The following STIM1 variants were observed in gnomAD, a reference collection of about 807,000 sequenced individuals.
The protein encoded by STIM1 is stromal interaction molecule 1.
In STIM1, 25 loss-of-function variants were observed where a neutral mutation model predicts 74.7. That is an observed-to-expected ratio of 0.33 (90% CI 0.24 to 0.47). The LOEUF is 0.47. STIM1 is among the 20% of genes least tolerant of loss of function. The probability of loss-of-function intolerance (pLI) is 1.00; values close to 1 mark genes in which losing one functional copy is unlikely to be tolerated. For missense variants in STIM1, 728 were observed against 920.8 expected (o/e 0.79, Z 2.71); for synonymous variants, 328 against 348.8 (o/e 0.94, Z 0.66).
chr11:3,886,976 CT>C (rs2091734467), intron 1 of STIM1, among the ~76,000 whole-genome samples: 1 of 151,592 alleles, frequency 6.6e-6, no homozygotes, highest in Non-Finnish European at 1.5e-5. Flanking sequence ...GCACTCCAGC[CT>C]GGCGACAGAG....
intron 6 of STIM1, among the ~76,000 whole-genome samples, chr11:4,071,623 A>C (rs918597487): frequency 2.6e-5 from 4 of 152,226 alleles, no homozygotes; most frequent in Non-Finnish European, 5.9e-5. Flanking sequence ...TACAGGCCTG[A>C]GCCACTGTGC....
intron 10 of STIM1, among the ~76,000 whole-genome samples, chr11:4,084,200 A>G (rs1042953211): frequency 1.1e-4 from 17 of 152,296 alleles, no homozygotes; most frequent in East Asian, 7.7e-4. Flanking sequence ...CTGGCCCACA[A>G]TTGAATTTTT....
chr11:3,934,959 T>TG (rs2092915031), intron 1 of STIM1, among the ~76,000 whole-genome samples: 1 of 152,222 alleles, frequency 6.6e-6, no homozygotes, highest in South Asian at 2.1e-4. Context: ...TTTGGCCCTG[T>TG]GGGGCAGTGC....
chr11:3,892,604 G>C (rs576633831), intron 1 of STIM1: 13 of 1,602,598 alleles, frequency 8.1e-6, no homozygotes, highest in Non-Finnish European at 1.1e-5. Context: ...CAAGATGCCA[G>C]GACCTGTATG....
intron 2 of STIM1, among the ~76,000 whole-genome samples, chr11:3,982,062 T>A (rs2093510795): frequency 6.6e-6 from 1 of 152,302 alleles, no homozygotes; most frequent in South Asian, 2.1e-4. Flanking sequence ...AGTCTTGCTC[T>A]GTCACCCAGC....
chr11:4,063,991 T>G (rs927311094), intron 5 of STIM1, among the ~76,000 whole-genome samples: 2 of 152,180 alleles, frequency 1.3e-5, no homozygotes, highest in African/African-American at 4.8e-5. Context: ...CTTGCCTTAT[T>G]AAGTGAGCTT....
chr11:3,874,259 C>T (rs930830676), intron 1 of STIM1, among the ~76,000 whole-genome samples: 1 of 152,164 alleles, frequency 6.6e-6, no homozygotes, highest in African/African-American at 2.4e-5. Flanking sequence ...CTCAAATGGC[C>T]TTGCTCTGTG....
chr11:4,054,347 C>G (rs1404287238), intron 3 of STIM1, among the ~76,000 whole-genome samples: 3 of 152,188 alleles, frequency 2.0e-5, no homozygotes, highest in Non-Finnish European at 4.4e-5. Flanking sequence ...GACATGGCTT[C>G]AACCTTCTTC....
At chr11:3,926,317 C>T (rs1211878881) in intron 1 of STIM1, among the ~76,000 whole-genome samples, 4 of 152,156 alleles carry the variant, frequency 2.6e-5, no homozygotes, top group East Asian at 1.9e-4. Context: ...TAAGCGATAC[C>T]GAAATACATG....
chr11:3,982,533 C>T (rs957396445), intron 2 of STIM1, among the ~76,000 whole-genome samples: 2 of 152,138 alleles, frequency 1.3e-5, no homozygotes, highest in African/African-American at 4.8e-5. Context: ...GTGCTGTGTA[C>T]TCTTGCATAT....
At chr11:3,875,580 A>G (rs2091281354) in intron 1 of STIM1, among the ~76,000 whole-genome samples, 1 of 151,966 alleles carries the variant, frequency 6.6e-6, no homozygotes, top group Non-Finnish European at 1.5e-5. Context: ...ACAAAAAATT[A>G]GCCAGGAGTG....
intron 1 of STIM1, among the ~76,000 whole-genome samples, chr11:3,889,291 G>C (rs2091827160): frequency 6.6e-6 from 1 of 151,882 alleles, no homozygotes; most frequent in Non-Finnish European, 1.5e-5. Flanking sequence ...GACACAGGGG[G>C]TGTGAGAAGG....
intron 1 of STIM1, among the ~76,000 whole-genome samples, chr11:3,918,384 G>A (rs1565114991): frequency 1.3e-5 from 2 of 152,050 alleles, no homozygotes; most frequent in South Asian, 4.2e-4. Context: ...GGGCGTGGTG[G>A]CTTGTACCTG....
intron 1 of STIM1, among the ~76,000 whole-genome samples, chr11:3,862,505 G>A (rs2090655515): frequency 6.6e-6 from 1 of 152,158 alleles, no homozygotes; most frequent in Admixed American, 6.5e-5. Flanking sequence ...CACTCGCCAA[G>A]GGTTATCCCA....
intron 7 of STIM1, among the ~76,000 whole-genome samples, chr11:4,078,650 C>T (rs1296426000): frequency 1.3e-5 from 2 of 151,928 alleles, no homozygotes; most frequent in Non-Finnish European, 2.9e-5. Context: ...TCACTGCAAC[C>T]TCCGCCTCCC....
chr11:3,902,550 T>G (rs937031166), intron 1 of STIM1, among the ~76,000 whole-genome samples: 55 of 152,180 alleles, frequency 3.6e-4, no homozygotes, highest in African/African-American at 1.3e-3. Context: ...ACAATAGGCT[T>G]TGCACTCCTG....
Position 4,063,413 on chromosome 11 carries a change from C to A in STIM1, c.613+4017C>A, listed in dbSNP as rs116370984. On this transcript the variant is annotated intron_variant, in intron 5 of 12. Coordinates refer to ENST00000526596, the MANE Select transcript of STIM1 (RefSeq NM_001382567.1). Reference sequence around the variant, plus strand: ...TCCTGTGTTGATCAAGCTGTTGGTACCATATTTCCAAAAGCATGTGCTCAC... The same window carrying A: ...TCCTGTGTTGATCAAGCTGTTGGTAACATATTTCCAAAAGCATGTGCTCAC... Among the ~76,000 whole-genome samples, 1,443 of 152,068 alleles carry A rather than the reference C, an allele frequency of 9.5e-3. 26 individuals are homozygous for A. The highest frequency in any genetic ancestry group is 0.033 in the African/African-American group (1,363 of 41,450).
At chr11:3,958,013 G>A (rs1276872671) in intron 1 of STIM1, among the ~76,000 whole-genome samples, 8 of 152,110 alleles carry the variant, frequency 5.3e-5, no homozygotes, top group African/African-American at 1.9e-4. Context: ...CTACAGGCGC[G>A]TGCCATCATG....
chr11:3,858,742 T>A (rs572691218), intron 1 of STIM1, among the ~76,000 whole-genome samples: 1 of 152,352 alleles, frequency 6.6e-6, no homozygotes, highest in South Asian at 2.1e-4. Flanking sequence ...AAAATCAGAT[T>A]CAACATACCC....
Sources: allele counts gnomAD v4.1 joint callset (sites outside exome capture counted in the v4.1 genomes callset), GRCh38; gene constraint gnomAD v4.1.1; transcripts MANE v1.5; gene names NCBI Gene and HGNC (gene_info 2026-07-23, HGNC 2026-07-21).